Variants in TBC1D14 observed in about 807,000 individuals in gnomAD.
TBC1D14 encodes the protein TBC1 domain family, member 14.
A neutral mutation model predicts 79.0 loss-of-function variants in TBC1D14; 26 were observed. The ratio of observed to expected loss-of-function variants is 0.33; its 90% CI spans 0.24 to 0.46. The LOEUF is 0.46. Among genes scored for constraint, TBC1D14 ranks in the 20% least tolerant of loss-of-function variants. The probability of loss-of-function intolerance (pLI) is 1.00; values close to 1 mark genes in which losing one functional copy is unlikely to be tolerated. For missense variants in TBC1D14, 769 were observed against 887.6 expected (o/e 0.87, Z 1.70); for synonymous variants, 394 against 349.9 (o/e 1.13, Z -1.40).
At chr4:7,016,195 G>A (rs1407351051) in intron 12 of TBC1D14, among the ~76,000 whole-genome samples, 2 of 152,246 alleles carry the variant, frequency 1.3e-5, no homozygotes, top group Admixed American at 6.5e-5. Context: ...GGGTTTTGGA[G>A]GTTGAATCTT....
At chr4:6,955,848 A>G (rs1300119877) in intron 2 of TBC1D14, among the ~76,000 whole-genome samples, 1 of 152,206 alleles carries the variant, frequency 6.6e-6, no homozygotes, top group Non-Finnish European at 1.5e-5. Context: ...CTTCAGGGAC[A>G]GGTAGCAGCC....
chr4:7,031,775 C>G lies in TBC1D14; in HGVS notation c.*1383C>G, dbSNP rs1015782205. 5 of 152,426 alleles carry G rather than the reference C, an allele frequency of 3.3e-5. No individual in the cohort carries two copies. Among genetic ancestry groups the G allele is most frequent in the African/African-American group, 7.2e-5 (3 of 41,460 alleles). The allele number at this position is 152,426 out of a possible 1,614,324, so 9.4% of individuals were successfully genotyped here. ...GGGTGCTCTGCACTCCACGGCCCTT[C>G]TCAGCCACACTTCCCACCCCAGGGG... is the stretch of plus-strand genomic sequence containing the variant. On this transcript the variant is annotated 3_prime_UTR_variant, in exon 14 of 14. Transcript: ENST00000409757.
chr4:7,024,997 C>T lies in TBC1D14; in HGVS notation c.1758-7C>T. On this transcript the variant is annotated splice_polypyrimidine_tract_variant and splice_region_variant and intron_variant, in intron 12 of 13. Coordinates refer to ENST00000409757, the MANE Select transcript of TBC1D14 (RefSeq NM_020773.3). ...AAATCTGAAAAATTCCAACTTTTAC[C>T]CCCTAGGATCTTTACCTTATATAGT... 4 of 1,611,734 alleles carry T rather than the reference C, an allele frequency of 2.5e-6. No individual in the cohort carries two copies. The highest frequency in any genetic ancestry group is 1.7e-4 in the Middle Eastern group (1 of 6,050).
intron 2 of TBC1D14, among the ~76,000 whole-genome samples, chr4:6,946,492 G>A (rs139947546): frequency 6.6e-6 from 1 of 151,990 alleles, no homozygotes; most frequent in Non-Finnish European, 1.5e-5. Context: ...GCTAATTTTT[G>A]TATTATTTTT....
chr4:7,001,334 G>C, intron 7 of TBC1D14, 83 bp downstream of exon 7: 2 of 1,142,272 alleles, frequency 1.8e-6, no homozygotes. Flanking sequence ...GGAAAGAATG[G>C]CAGCCATTGC....
At position 7,012,988 on chromosome 4, in the gene TBC1D14, A is replaced by T. The variant is rs191195746; in HGVS notation, c.1648-1460A>T. 1.1e-4 allele frequency among the ~76,000 whole-genome samples: 16 copies of T among 152,282 alleles called. No homozygotes were observed. The East Asian group carries it at 2.9e-3, about 28-fold the overall frequency. On this transcript the variant is annotated intron_variant, in intron 11 of 13. Transcript: ENST00000409757. ...GTAAATTTAATTTTATCTTTTTATA[A>T]ATAAATACATGATTCCCATCTAAGT...
At chr4:7,018,308 C>T (rs866225741) in intron 12 of TBC1D14, among the ~76,000 whole-genome samples, 1 of 152,150 alleles carries the variant, frequency 6.6e-6, no homozygotes, top group Non-Finnish European at 1.5e-5. Flanking sequence ...GGCTGAGGGG[C>T]CTGTGGGTGT....
chr4:6,987,044 A>T (rs2109118748), intron 3 of TBC1D14: 161 of 271,572 alleles, frequency 5.9e-4, no homozygotes, highest in Non-Finnish European at 7.9e-4. Context: ...CCCGGTGTTT[A>T]CGGCCGGTGG....
At chr4:7,005,734 C>T (rs6819148) in intron 8 of TBC1D14, among the ~76,000 whole-genome samples, 2 of 151,818 alleles carry the variant, frequency 1.3e-5, no homozygotes, top group Non-Finnish European at 2.9e-5. Flanking sequence ...CCAGTTCCTG[C>T]GAGGTGTTTG....
At chr4:6,990,126 C>T (rs1311016155) in intron 3 of TBC1D14, among the ~76,000 whole-genome samples, 1 of 152,186 alleles carries the variant, frequency 6.6e-6, no homozygotes, top group Non-Finnish European at 1.5e-5. Flanking sequence ...AACTGATCTG[C>T]TGCTAGAACT....
At chr4:7,009,824 G>A in intron 9 of TBC1D14, 53 bp from the exon 10 acceptor site, 1 of 1,576,390 alleles carries the variant, frequency 6.3e-7, no homozygotes, top group Non-Finnish European at 8.7e-7. Context: ...ATGTTCGTCT[G>A]AGCACTAACA....
In TBC1D14 at chr4:6,923,429, G is replaced by A. The variant is rs751961983; in HGVS notation, c.40G>A (p.Ala14Thr). ...ACTCTCCACCTCTACAAATGGCGTA[G>A]CCTTCATGGGTATTCTGGATGGTCG... ...GKLSTSTNGV[A>T]FMGILDGRPG... The change falls in exon 2 of 14, where the codon GCC becomes ACC. Residue 14 changes from alanine to threonine, a missense_variant. Around this residue, in one of 2 missense-constraint regions of TBC1D14, gnomAD observed 402 missense variants for 393.2 expected, o/e 1.02. Transcript: ENST00000409757. 2.5e-6 allele frequency: 4 copies of A among 1,613,996 alleles called. No individual in the cohort carries two copies. The Admixed American group carries it at 6.7e-5, about 27-fold the overall frequency.
chr4:7,002,778 C>T (rs1439652033), intron 7 of TBC1D14, among the ~76,000 whole-genome samples: 2 of 152,206 alleles, frequency 1.3e-5, no homozygotes, highest in East Asian at 1.9e-4. Flanking sequence ...GATTTTACTA[C>T]GTTTCCAAGC....
At chr4:6,984,977 G>A (rs1217325894) in intron 3 of TBC1D14, among the ~76,000 whole-genome samples, 5 of 152,210 alleles carry the variant, frequency 3.3e-5, no homozygotes, top group Admixed American at 6.5e-5. Flanking sequence ...CAGAAAGACC[G>A]AGAGAAAAGC....
At chr4:7,011,657 A>C (rs1720787563) in intron 11 of TBC1D14, among the ~76,000 whole-genome samples, 1 of 151,876 alleles carries the variant, frequency 6.6e-6, no homozygotes, top group African/African-American at 2.4e-5. Flanking sequence ...CCTGGGTTCA[A>C]GCAATTATCG....
chr4:6,952,112 C>CGAT (rs531239049), intron 2 of TBC1D14, among the ~76,000 whole-genome samples: 18 of 152,236 alleles, frequency 1.2e-4, no homozygotes, highest in African/African-American at 4.1e-4. Flanking sequence ...TAGTGGGAAC[C>CGAT]GATGAGAAGT....
intron 2 of TBC1D14, among the ~76,000 whole-genome samples, chr4:6,929,357 A>C (rs867432925): frequency 6.6e-6 from 1 of 152,244 alleles, no homozygotes; most frequent in Non-Finnish European, 1.5e-5. Flanking sequence ...GAAGGTGGGC[A>C]GACTAGTGCT....
intron 3 of TBC1D14, among the ~76,000 whole-genome samples, chr4:6,986,101 A>G (rs950388436): frequency 2.0e-5 from 3 of 152,130 alleles, no homozygotes; most frequent in African/African-American, 7.2e-5. Context: ...CTTCCTCTCT[A>G]GAGATTTACC....
At chr4:6,956,483 C>T (rs976402350) in intron 2 of TBC1D14, among the ~76,000 whole-genome samples, 4 of 152,362 alleles carry the variant, frequency 2.6e-5, no homozygotes, top group Non-Finnish European at 4.4e-5. Context: ...ATGGCTCCTG[C>T]GCACGCGCCT....
Sources: gnomAD v4.1 joint callset for allele counts (sites outside exome capture counted in the v4.1 genomes callset) on GRCh38, gnomAD v4.1.1 for gene constraint, gnomAD v4.1.1 regional missense constraint, MANE v1.5 for transcripts, NCBI Gene and HGNC (gene_info 2026-07-23, HGNC 2026-07-21) for gene names.